The following ZFYVE28 variants were observed in gnomAD, a reference collection of about 807,000 sequenced individuals.
ZFYVE28 encodes the protein zinc finger FYVE-type containing 28, also known as lateral signaling target protein 2 homolog.
In ZFYVE28, 40 loss-of-function variants were observed where a neutral mutation model predicts 82.1. That is an observed-to-expected ratio of 0.49 (90% confidence interval 0.38 to 0.63). The LOEUF is 0.63. ZFYVE28 is among the 30% of genes least tolerant of loss of function. The pLI is 0.00. For synonymous variants in ZFYVE28, 612 were observed against 546.1 expected, an observed-to-expected ratio of 1.12 and a Z score of -1.68; for missense variants, 1,321 against 1,242.1, an observed-to-expected ratio of 1.06 and a Z score of -0.96.
At chr4:2,313,045 C>CAAAT (rs1199649550) in intron 7 of ZFYVE28, among the ~76,000 whole-genome samples, 10 of 150,282 alleles carry the variant, frequency 6.7e-5, no homozygotes, top group Admixed American at 2.0e-4. Context: ...GACTCTGTCT[C>CAAAT]AAATAAATAA....
In ZFYVE28 at chr4:2,308,692, G is replaced by GAAAGAAAGAA. The variant is rs1560182622; in HGVS notation, c.804-3157_804-3156insTTCTTTCTTT. ...AAGAAAGAAAGAGAAAGAAAGAAAA[G>GAAAGAAAGAA]AAAAGAAAAGAAAAAAGAAAAGAAA... On this transcript the variant is annotated intron_variant, in intron 7 of 12. Transcript: ENST00000290974. Among the ~76,000 whole-genome samples, 3 of 96,500 alleles carry GAAAGAAAGAA rather than the reference G, an allele frequency of 3.1e-5. No homozygotes were observed. The East Asian group carries it at 1.1e-3, about 34-fold the overall frequency. The allele number at this position is 96,500 out of a possible 152,430, so 63.3% of individuals were successfully genotyped here. A position where few individuals can be genotyped will look rare whatever the true frequency, so the allele number is the denominator to read the frequency against.
chr4:2,380,258 GT>G (rs1397043971), intron 1 of ZFYVE28, among the ~76,000 whole-genome samples: 1 of 152,164 alleles, frequency 6.6e-6, no homozygotes, highest in Non-Finnish European at 1.5e-5. Flanking sequence ...TAACTCACTA[GT>G]TGCCAAAGTA....
chr4:2,377,343 A>G (rs745995492), intron 1 of ZFYVE28, among the ~76,000 whole-genome samples: 1 of 152,094 alleles, frequency 6.6e-6, no homozygotes, highest in Admixed American at 6.5e-5. Flanking sequence ...TTTTATCTCT[A>G]TTTTAGGACA....
intron 1 of ZFYVE28, among the ~76,000 whole-genome samples, chr4:2,387,853 G>A (rs924084130): frequency 2.0e-5 from 3 of 152,338 alleles, no homozygotes; most frequent in Non-Finnish European, 4.4e-5. Flanking sequence ...GGGAATGTGG[G>A]CTTCACAGCA....
chr4:2,288,807 G>A (rs774001988), intron 8 of ZFYVE28, among the ~76,000 whole-genome samples: 1 of 151,922 alleles, frequency 6.6e-6, no homozygotes, highest in Non-Finnish European at 1.5e-5. Flanking sequence ...GTGAGACCCT[G>A]TCTCTACTAA....
intron 1 of ZFYVE28, among the ~76,000 whole-genome samples, chr4:2,399,334 G>A (rs946933455): frequency 1.3e-5 from 2 of 152,142 alleles, no homozygotes; most frequent in African/African-American, 4.8e-5. Flanking sequence ...GTGTGTTCAC[G>A]CCTCTCCTCC....
intron 9 of ZFYVE28, among the ~76,000 whole-genome samples, chr4:2,273,754 G>C (rs569073399): frequency 1.7e-3 from 254 of 152,260 alleles, no homozygotes; most frequent in African/African-American, 5.9e-3. Context: ...GTGGCTGGGA[G>C]CCCAGGGTGG....
intron 8 of ZFYVE28, among the ~76,000 whole-genome samples, chr4:2,283,756 T>C (rs1427025043): frequency 1.3e-5 from 2 of 151,728 alleles, no homozygotes. Context: ...CCATCAAGGG[T>C]GTTGTTGTGG....
chr4:2,291,464 G>A (rs1713687975), intron 8 of ZFYVE28, among the ~76,000 whole-genome samples: 1 of 152,176 alleles, frequency 6.6e-6, no homozygotes, highest in African/African-American at 2.4e-5. Flanking sequence ...TGCTTACCAA[G>A]CAGGCTCCAC....
In ZFYVE28 at chr4:2,304,617, C is replaced by T. The variant is rs374864545; in HGVS notation, c.1723G>A (p.Glu575Lys). 3 of 1,612,338 alleles carry T rather than the reference C, an allele frequency of 1.9e-6. No homozygotes were observed. The African/African-American group carries it at 4.0e-5, about 22-fold the overall frequency. Residue 575 changes from glutamate (E) to lysine (K), a missense_variant, in exon 8 of 13, where the codon GAG becomes AAG. By Grantham distance (56) the Glu-to-Lys change is moderately conservative. Around this residue, in one of 2 missense-constraint regions of ZFYVE28, gnomAD observed 978 missense variants for 833.7 expected, o/e 1.17. Coordinates refer to ENST00000290974, the MANE Select transcript of ZFYVE28 (RefSeq NM_020972.3). Reference protein sequence around the residue: ...VCCGSCGDSREDVVERLREKC... With the variant: ...VCCGSCGDSRKDVVERLREKC... Reference sequence around the variant, plus strand: ...TCCCGCAGACGCTCCACCACGTCCTCCCTGCTGTCCCCGCAGCTCCCACAG... The same window carrying T: ...TCCCGCAGACGCTCCACCACGTCCTTCCTGCTGTCCCCGCAGCTCCCACAG...
At chr4:2,343,953 C>G (rs941540646) in intron 2 of ZFYVE28, among the ~76,000 whole-genome samples, 1 of 152,218 alleles carries the variant, frequency 6.6e-6, no homozygotes, top group African/African-American at 2.4e-5. Flanking sequence ...CTTCTAACGC[C>G]AGCCAAGATG....
chr4:2,415,201 G>A (rs1732904168), intron 1 of ZFYVE28, among the ~76,000 whole-genome samples: 1 of 152,152 alleles, frequency 6.6e-6, no homozygotes, highest in African/African-American at 2.4e-5. Context: ...TTTTTATTCA[G>A]ATATCAAAAT....
chr4:2,276,879 G>T (rs927325710), intron 8 of ZFYVE28, among the ~76,000 whole-genome samples: 2 of 152,140 alleles, frequency 1.3e-5, no homozygotes, highest in Admixed American at 6.5e-5. Flanking sequence ...TTGCGGAGAT[G>T]ATGTTGGTGA....
intron 1 of ZFYVE28, among the ~76,000 whole-genome samples, chr4:2,361,733 T>C (rs898869092): frequency 2.6e-5 from 4 of 152,198 alleles, no homozygotes; most frequent in Non-Finnish European, 5.9e-5. Flanking sequence ...ACTAGGACTC[T>C]CTGGCATCTA....
intron 6 of ZFYVE28, among the ~76,000 whole-genome samples, chr4:2,328,254 A>G (rs1720164515): frequency 1.3e-5 from 2 of 152,240 alleles, no homozygotes; most frequent in African/African-American, 4.8e-5. Flanking sequence ...TTTGTGAAAA[A>G]TTGGATGGAA....
chr4:2,415,864 CA>C (rs1166671989), intron 1 of ZFYVE28, among the ~76,000 whole-genome samples: 1 of 152,234 alleles, frequency 6.6e-6, no homozygotes, highest in African/African-American at 2.4e-5. Context: ...AGACATTTCT[CA>C]AATAAGAGAC....
In ZFYVE28 at chr4:2,380,226, G is replaced by C. The variant is rs139168487; in HGVS notation, c.40-26153C>G. Reference sequence around the variant, plus strand: ...GGGGTGGATGCATCCGGGGTTTTCTGACTAGCTGTTGTCTCTTTGGGTAAC... The same window carrying C: ...GGGGTGGATGCATCCGGGGTTTTCTCACTAGCTGTTGTCTCTTTGGGTAAC... On this transcript the variant is annotated intron_variant, in intron 1 of 12. Transcript: ENST00000290974. Among the ~76,000 whole-genome samples, 14 of 152,282 alleles carry C rather than the reference G, an allele frequency of 9.2e-5. No individual in the cohort carries two copies. The East Asian group carries it at 2.3e-3, about 25-fold the overall frequency.
rs1733084920 is a variant in ZFYVE28, at chr4:2,416,757, A to T, written c.39+1528T>A. Among the ~76,000 whole-genome samples, 1 of 152,152 alleles carries T rather than the reference A, an allele frequency of 6.6e-6. No individual in the cohort carries two copies. On this transcript the variant is annotated intron_variant, in intron 1 of 12. Transcript: ENST00000290974. This position sits in a 1 kb window ranked among gnomAD's most constrained non-coding sequence, Gnocchi z 4.6. ...AACCCTTAAGAAGTCGCTGCTAGGG[A>T]CAGGGAGGTTGGGAGCAGGGAGTGA...
intron 1 of ZFYVE28, among the ~76,000 whole-genome samples, chr4:2,374,662 A>G (rs1386692775): frequency 6.6e-6 from 1 of 151,840 alleles, no homozygotes; most frequent in African/African-American, 2.4e-5. Context: ...AGGAGGGGGA[A>G]AATTGGTTTT....
Sources: allele counts gnomAD v4.1 joint callset (sites outside exome capture counted in the v4.1 genomes callset), GRCh38; gene constraint gnomAD v4.1.1; regional missense constraint gnomAD v4.1.1; non-coding constraint Gnocchi (gnomAD v3.1); transcripts MANE v1.5; gene names NCBI Gene and HGNC (gene_info 2026-07-23, HGNC 2026-07-21).